The following HSPA4 variants were observed in gnomAD, a reference collection of about 807,000 sequenced individuals.
The protein encoded by HSPA4 is heat shock 70 kDa protein 4.
In HSPA4, 25 loss-of-function variants were observed where a neutral mutation model predicts 106.2. The ratio of observed to expected loss-of-function variants is 0.24; its 90% CI spans 0.17 to 0.33. HSPA4 has a LOEUF of 0.33. Ranked by LOEUF, HSPA4 falls within the 10% of genes least tolerant of loss-of-function variation. The pLI, the probability that HSPA4 is intolerant of heterozygous loss-of-function variation, is 1.00. For missense variants in HSPA4, 841 were observed against 996.0 expected (o/e 0.84, Z 2.10); for synonymous variants, 332 against 333.6 (o/e 1.00, Z 0.05).
Position 133,104,913 on chromosome 5 carries a change from A to AT in HSPA4, c.*479dup, listed in dbSNP as rs1176889159. The AT allele has an allele frequency of 6.1e-6, 1 of 162,998 alleles. No homozygotes were observed. The highest frequency in any genetic ancestry group is 2.4e-5 in the African/African-American group (1 of 41,512). The allele number at this position is 162,998 out of a possible 1,614,324, so 10.1% of individuals were successfully genotyped here. A position where few individuals can be genotyped will look rare whatever the true frequency, so the allele number is the denominator to read the frequency against. On this transcript the variant is annotated 3_prime_UTR_variant, in exon 19 of 19. Coordinates refer to ENST00000304858, the MANE Select transcript of HSPA4 (RefSeq NM_002154.4). ...AGGGCTGGAGCATGGCACGGCATGG[A>AT]TTAACACGGCAGAGGAACAAAGGTG...
At position 133,104,270 on chromosome 5, in the gene HSPA4, C is replaced by T. The variant is rs1210597788; in HGVS notation, c.2357C>T (p.Pro786Leu). 2.5e-6 allele frequency: 4 copies of T among 1,613,912 alleles called. No homozygotes were observed. The African/African-American group carries it at 5.3e-5, about 22-fold the overall frequency. Residue 786 changes from proline to leucine, a missense_variant, in exon 19 of 19, where the codon CCC (proline) becomes CTC (leucine). Around this residue, in one of 5 missense-constraint regions of HSPA4, gnomAD observed 328 missense variants for 372.2 expected, o/e 0.88. Transcript: ENST00000304858. ...TSTCSPIISK[P>L]KPKVEPPKEE... is the part of the protein sequence containing the mutation. ...ACTTGTAGCCCTATAATTTCAAAGC[C>T]CAAACCCAAAGTGGAACCTCCAAAA...
chr5:133,092,668 A>T, intron 12 of HSPA4, 32 bp from the exon 13 acceptor site: 1 of 1,411,978 alleles, frequency 7.1e-7, no homozygotes, highest in Non-Finnish European at 1.0e-6. Context: ...TAGTCTTCCT[A>T]ATTGCAGGAT....
At chr5:133,083,959 C>T (rs1358034508) in intron 7 of HSPA4, among the ~76,000 whole-genome samples, 1 of 152,134 alleles carries the variant, frequency 6.6e-6, no homozygotes, top group African/African-American at 2.4e-5. Flanking sequence ...TGCATATTAA[C>T]CAGAATTCAT....
In HSPA4 at chr5:133,074,048, A is replaced by G. The variant is rs1255476680; in HGVS notation, c.585A>G (p.Pro195=). The G allele has an allele frequency of 6.2e-7, 1 of 1,608,846 alleles. No homozygotes were observed. Among genetic ancestry groups the G allele is most frequent in the African/African-American group, 1.3e-5 (1 of 74,704 alleles). Residue 195 remains proline, a synonymous_variant, in exon 6 of 19, where the codon CCA becomes CCG. Coordinates refer to ENST00000304858, the MANE Select transcript of HSPA4 (RefSeq NM_002154.4). ...KQDLPALEEK[P]RNVVFVDMGH... ...ATCTTCCTGCCTTAGAAGAGAAACC[A>G]AGAAATGTAGTTTTTGTAGACATGG... is the stretch of plus-strand genomic sequence containing the variant.
intron 1 of HSPA4, among the ~76,000 whole-genome samples, chr5:133,053,150 A>G (rs1399662639): frequency 5.9e-5 from 9 of 152,134 alleles, no homozygotes; most frequent in Non-Finnish European, 1.2e-4. Flanking sequence ...TCTAGAACCC[A>G]TAGTAAGTTT....
chr5:133,070,600 G>T, intron 4 of HSPA4, 104 bp downstream of exon 4: 1 of 1,389,400 alleles, frequency 7.2e-7, no homozygotes, highest in South Asian at 1.2e-5. Flanking sequence ...GGTTGTAATG[G>T]TTATTTAAAA....
chr5:133,066,736 C>CTTTTTTTTT (rs58483780), intron 2 of HSPA4, among the ~76,000 whole-genome samples: 2 of 129,422 alleles, frequency 1.5e-5, no homozygotes, highest in African/African-American at 2.9e-5. Context: ...TTTCTTTTTT[C>CTTTTTTTTT]TTTTTTTTTT....
chr5:133,058,330 G>A lies in HSPA4; in HGVS notation c.107+5973G>A, dbSNP rs369932799. 1.2e-4 allele frequency among the ~76,000 whole-genome samples: 18 copies of A among 152,234 alleles called. No homozygotes were observed. The East Asian group carries it at 2.7e-3, about 23-fold the overall frequency. ...TTAGTGATCAAGGCTGCAGTGAGCC[G>A]TGATTGAGTACTACACTCCAAGCCT... On this transcript the variant is annotated intron_variant, in intron 1 of 18. Coordinates refer to ENST00000304858, the MANE Select transcript of HSPA4 (RefSeq NM_002154.4).
At chr5:133,076,338 G>A (rs1185820294) in intron 6 of HSPA4, among the ~76,000 whole-genome samples, 1 of 152,178 alleles carries the variant, frequency 6.6e-6, no homozygotes, top group Non-Finnish European at 1.5e-5. Context: ...TGTCAGACTG[G>A]TGTAGTGGGG....
In HSPA4 at chr5:133,105,697, A is replaced by G. The variant is rs928917094; in HGVS notation, c.*1261A>G. The G allele has an allele frequency of 4.6e-5, 7 of 152,156 alleles. No individual in the cohort carries two copies. Among genetic ancestry groups the G allele is most frequent in the Admixed American group, 3.9e-4 (6 of 15,274 alleles). The allele number at this position is 152,156 out of a possible 1,614,324, so 9.4% of individuals were successfully genotyped here. A position where few individuals can be genotyped will look rare whatever the true frequency, so the allele number is the denominator to read the frequency against. On this transcript the variant is annotated 3_prime_UTR_variant, in exon 19 of 19. Coordinates refer to ENST00000304858, the MANE Select transcript of HSPA4 (RefSeq NM_002154.4). ...TTGGTAATGTTTTGAATCTTTGTAA[A>G]AATTGATATTCTGTATAACAGAGTG...
intron 1 of HSPA4, among the ~76,000 whole-genome samples, chr5:133,061,760 CAGGCGTGTGCCACCACG>C (rs1765246450): frequency 1.3e-5 from 2 of 152,160 alleles, no homozygotes; most frequent in Non-Finnish European, 2.9e-5. Flanking sequence ...GCTGGGACTA[CAGGCGTGTGCCACCACG>C]CCTGGCTAAT....
intron 2 of HSPA4, 63 bp from the exon 3 acceptor site, chr5:133,067,353 AG>A: frequency 7.5e-7 from 1 of 1,326,902 alleles, no homozygotes; most frequent in Non-Finnish European, 1.1e-6. Flanking sequence ...ATTTAATCTG[AG>A]GCTGTTGAAA....
intron 7 of HSPA4, among the ~76,000 whole-genome samples, chr5:133,078,152 G>A (rs1765468128): frequency 6.6e-6 from 1 of 151,592 alleles, no homozygotes; most frequent in Non-Finnish European, 1.5e-5. Context: ...CTAACATGGT[G>A]AAACCCCGTC....
rs766340257 is a variant in HSPA4 at position 133,106,281 on chromosome 5, CAG to C, written c.*1850_*1851del. The C allele has an allele frequency of 6.0e-4, 90 of 150,862 alleles. No individual in the cohort carries two copies. Among genetic ancestry groups the C allele is most frequent in the African/African-American group, 2.0e-3 (83 of 41,054 alleles). The allele number at this position is 150,862 out of a possible 1,614,324, so 9.3% of individuals were successfully genotyped here. ...AATTGGATTTTCATGGAGGCCAGGACAGAGAGTGGTAATTGATGGCTTGTGTA... is the reference window on the plus strand; with the variant it reads ...AATTGGATTTTCATGGAGGCCAGGACAGAGTGGTAATTGATGGCTTGTGTA... On this transcript the variant is annotated 3_prime_UTR_variant, in exon 19 of 19. Coordinates refer to ENST00000304858, the MANE Select transcript of HSPA4 (RefSeq NM_002154.4).
intron 6 of HSPA4, among the ~76,000 whole-genome samples, chr5:133,075,248 GTTTAAAC>G (rs1028102648): frequency 2.0e-5 from 3 of 152,098 alleles, no homozygotes; most frequent in African/African-American, 7.2e-5. Context: ...AATTCTCAGT[GTTTAAAC>G]TTTAATCACT....
chr5:133,073,179 A>G (rs1385334614), intron 4 of HSPA4, 51 bp from the exon 5 acceptor site: 1 of 1,130,974 alleles, frequency 8.8e-7, no homozygotes, highest in South Asian at 1.4e-5. Context: ...GGATTTTACT[A>G]ACTAAAATTA....
chr5:133,061,414 G>A (rs1379910163), intron 1 of HSPA4, among the ~76,000 whole-genome samples: 2 of 140,924 alleles, frequency 1.4e-5, no homozygotes, highest in Admixed American at 6.8e-5. Context: ...GAGCCACCGC[G>A]CCCGGCCGTG....
chr5:133,077,403 A>G (rs1765459127), intron 7 of HSPA4, among the ~76,000 whole-genome samples: 2 of 152,078 alleles, frequency 1.3e-5, no homozygotes, highest in African/African-American at 4.8e-5. Flanking sequence ...ACGCCCAGCT[A>G]ATTTTTGTAT....
intron 7 of HSPA4, among the ~76,000 whole-genome samples, chr5:133,078,218 G>A (rs1438804819): frequency 6.6e-6 from 1 of 152,138 alleles, no homozygotes; most frequent in Non-Finnish European, 1.5e-5. Flanking sequence ...TGTAGTCCCA[G>A]CTGCTGGGGA....
Sources: gnomAD v4.1 joint callset for allele counts (sites outside exome capture counted in the v4.1 genomes callset) on GRCh38, gnomAD v4.1.1 for gene constraint, gnomAD v4.1.1 regional missense constraint, MANE v1.5 for transcripts, NCBI Gene and HGNC (gene_info 2026-07-23, HGNC 2026-07-21) for gene names.